AADACL4: variants seen among roughly 807,000 people sequenced by gnomAD.
AADACL4 encodes arylacetamide deacetylase-like 4.
A neutral mutation model predicts 14.1 loss-of-function variants in AADACL4; 9 were observed. The ratio of observed to expected loss-of-function variants is 0.64; its 90% confidence interval spans 0.39 to 1.12. The LOEUF (loss-of-function observed/expected upper bound fraction) is 1.12, where lower values mean the gene tolerates loss of function less well. Ranked by LOEUF, AADACL4 falls within the 50% of genes most tolerant of loss-of-function variation. The pLI is 0.01. For missense variants in AADACL4, 531 were observed against 516.1 expected, an observed-to-expected ratio of 1.03 and a Z score of -0.28; for synonymous variants, 188 against 201.6, an observed-to-expected ratio of 0.93 and a Z score of 0.57.
In AADACL4 at chr1:12,658,108, TTTCCTTCCTTCC is replaced by T. The variant is rs748632129; in HGVS notation, c.386-3660_386-3649del. Among the ~76,000 whole-genome samples the T allele has an allele frequency of 7.5e-3, 916 of 122,066 alleles. 24 individuals carry two copies. The highest frequency in any genetic ancestry group is 0.02 in the African/African-American group (502 of 25,010). The allele number at this position is 122,066 out of a possible 152,430, so 80.1% of individuals were successfully genotyped here. ...TTCTTTCTCTTTCTTTCTCTCTTTC[TTTCCTTCCTTCC>T]TTCCTTCCTTCCTTCCTTCCTTTCT... On this transcript the variant is annotated intron_variant, in intron 2 of 3. Coordinates refer to ENST00000376221, the MANE Select transcript of AADACL4 (RefSeq NM_001013630.2).
At position 12,657,967 on chromosome 1, in the gene AADACL4, C is replaced by T. The variant is rs542571790; in HGVS notation, c.386-3824C>T. The stretch of plus-strand genomic sequence containing the variant: ...TTTTGCTCATTGTGTGAAACTGCTG[C>T]CTGGAATTGTCTTGTCTTGCCTTCT... On this transcript the variant is annotated intron_variant, in intron 2 of 3. Transcript: ENST00000376221. Among the ~76,000 whole-genome samples the T allele has an allele frequency of 2.0e-5, 3 of 152,174 alleles. No homozygotes were observed. In the South Asian group the frequency reaches 6.2e-4, roughly 32 times the overall value.
At position 12,666,152 on chromosome 1, in the gene AADACL4, G is replaced by C. The variant is rs775507000; in HGVS notation, c.641G>C (p.Arg214Pro). ...TTGGTGGGCAGATCAGATCTTCCCC[G>C]GATCCGGGCTCAGGTTCTGATTTAT... The part of the protein sequence containing the change: ...QALVGRSDLP[R>P]IRAQVLIYPV... The change falls in exon 4 of 4, where the codon CGG becomes CCG. Residue 214 changes from arginine (R) to proline (P), a missense_variant. Arg to Pro is a moderately radical substitution (Grantham distance 103, BLOSUM62 -2). Coordinates refer to ENST00000376221, the MANE Select transcript of AADACL4 (RefSeq NM_001013630.2). The C allele has an allele frequency of 1.2e-6, 2 of 1,614,234 alleles. No homozygotes were observed. Among genetic ancestry groups the C allele is most frequent in the Non-Finnish European group, 8.5e-7 (1 of 1,180,040 alleles).
chr1:12,665,432 A>G (rs1647300766), intron 3 of AADACL4, among the ~76,000 whole-genome samples: 2 of 152,128 alleles, frequency 1.3e-5, no homozygotes, highest in Admixed American at 1.3e-4. Flanking sequence ...TCACCGTGTT[A>G]GCCAGGATGG....
chr1:12,653,059 G>C (rs1236965049), intron 2 of AADACL4, among the ~76,000 whole-genome samples: 1 of 152,136 alleles, frequency 6.6e-6, no homozygotes, highest in Non-Finnish European at 1.5e-5. Context: ...GATGACGGGG[G>C]AGGTCAGTCT....
chr1:12,666,813 T>A lies in AADACL4; in HGVS notation c.*78T>A. 1 of 1,399,262 alleles carries A rather than the reference T, an allele frequency of 7.1e-7. No homozygotes were observed. The highest frequency in any genetic ancestry group is 2.3e-5 in the East Asian group (1 of 43,644). 86.7% of individuals were successfully genotyped at this position (1,399,262 alleles called of 1,614,324 possible). A position where few individuals can be genotyped will look rare whatever the true frequency, so the allele number is the denominator to read the frequency against. On this transcript the variant is annotated 3_prime_UTR_variant, in exon 4 of 4. Transcript: ENST00000376221. ...ACCGGGTGCTTTAGTGAGTTCTATT[T>A]TATTGACTAAAGAGGTGCTACATCA...
At chr1:12,653,471 T>C (rs1393894618) in intron 2 of AADACL4, among the ~76,000 whole-genome samples, 3 of 152,256 alleles carry the variant, frequency 2.0e-5, no homozygotes, top group African/African-American at 7.2e-5. Flanking sequence ...ATTGAAATTA[T>C]ACAGCCGGAT....
intron 3 of AADACL4, among the ~76,000 whole-genome samples, chr1:12,662,104 T>C (rs369231177): frequency 1.3e-5 from 2 of 152,224 alleles, no homozygotes; most frequent in African/African-American, 4.8e-5. Flanking sequence ...GAAGATATTA[T>C]GGATTTTTCC....
chr1:12,664,336 G>A (rs182208253), intron 3 of AADACL4, among the ~76,000 whole-genome samples: 204 of 151,834 alleles, frequency 1.3e-3, no homozygotes, highest in African/African-American at 4.5e-3. Flanking sequence ...ATACCTTTTT[G>A]ATGTTTTCTT....
intron 3 of AADACL4, 33 bp downstream of exon 3, chr1:12,661,887 AG>A: frequency 6.2e-7 from 1 of 1,603,108 alleles, no homozygotes; most frequent in Non-Finnish European, 8.5e-7. Context: ...TAGGTTCCAC[AG>A]GGGTGAGAGG....
intron 1 of AADACL4, among the ~76,000 whole-genome samples, chr1:12,646,629 T>C (rs1289418906): frequency 6.6e-6 from 1 of 152,230 alleles, no homozygotes; most frequent in Non-Finnish European, 1.5e-5. Flanking sequence ...AACGAGGGCC[T>C]AAGATGTTCA....
At chr1:12,647,635 G>A (rs1647119332) in intron 1 of AADACL4, among the ~76,000 whole-genome samples, 1 of 151,446 alleles carries the variant, frequency 6.6e-6, no homozygotes, top group Non-Finnish European at 1.5e-5. Context: ...AAACACTATT[G>A]CTTTTCTTTT....
intron 1 of AADACL4, among the ~76,000 whole-genome samples, chr1:12,645,455 C>T (rs539328041): frequency 1.3e-5 from 2 of 152,266 alleles, no homozygotes; most frequent in South Asian, 4.1e-4. Context: ...CCTGCCTTCC[C>T]CGGGCTTGTG....
chr1:12,646,755 G>T (rs991677721), intron 1 of AADACL4, among the ~76,000 whole-genome samples: 3 of 152,212 alleles, frequency 2.0e-5, no homozygotes, highest in African/African-American at 7.2e-5. Context: ...CTCTGAGATG[G>T]GTCTGCAGCC....
chr1:12,662,989 G>T (rs1172023947), intron 3 of AADACL4, among the ~76,000 whole-genome samples: 2 of 152,194 alleles, frequency 1.3e-5, no homozygotes, highest in African/African-American at 4.8e-5. Context: ...TGCTTAGGAT[G>T]CCATTATCCC....
intron 3 of AADACL4, among the ~76,000 whole-genome samples, chr1:12,662,490 T>C (rs1647244739): frequency 6.6e-6 from 1 of 152,152 alleles, no homozygotes; most frequent in South Asian, 2.1e-4. Flanking sequence ...CTACAGGAAC[T>C]AGTGTTGAGA....
chr1:12,658,205 C>G (rs929503398), intron 2 of AADACL4, among the ~76,000 whole-genome samples: 1 of 137,100 alleles, frequency 7.3e-6, no homozygotes, highest in Non-Finnish European at 1.5e-5. Flanking sequence ...TCTTTCTTTT[C>G]CCCTCCCTCT....
intron 2 of AADACL4, among the ~76,000 whole-genome samples, chr1:12,659,138 C>T (rs1287908966): frequency 2.6e-5 from 4 of 152,078 alleles, no homozygotes; most frequent in Non-Finnish European, 5.9e-5. Context: ...ACATAACTTC[C>T]CCGAGATTAG....
At chr1:12,658,085 CTT>C (rs769639419) in intron 2 of AADACL4, among the ~76,000 whole-genome samples, 1,433 of 131,176 alleles carry the variant, frequency 0.011, 50 homozygotes, top group African/African-American at 0.04. Context: ...TTCTTTCTTT[CTT>C]TCTCTTTCTT....
In AADACL4 at chr1:12,667,020, A is replaced by C; in HGVS notation, c.*285A>C. 1 of 466,114 alleles carries C rather than the reference A, an allele frequency of 2.1e-6. No homozygotes were observed. Among genetic ancestry groups the C allele is most frequent in the Non-Finnish European group, 3.7e-6 (1 of 267,428 alleles). 28.9% of individuals were successfully genotyped at this position (466,114 alleles called of 1,614,324 possible). A position where few individuals can be genotyped will look rare whatever the true frequency, so the allele number is the denominator to read the frequency against. The stretch of plus-strand genomic sequence containing the variant: ...CAAAAGGAGAAAAAAATGCCTTTAA[A>C]AATTTCTCAAAGCCCCAACATATAA... On this transcript the variant is annotated 3_prime_UTR_variant, in exon 4 of 4. Transcript: ENST00000376221.
Sources: gnomAD v4.1 joint callset for allele counts (sites outside exome capture counted in the v4.1 genomes callset) on GRCh38, gnomAD v4.1.1 for gene constraint, MANE v1.5 for transcripts, NCBI Gene and HGNC (gene_info 2026-07-23, HGNC 2026-07-21) for gene names.